NTMT2: variants seen among roughly 807,000 people sequenced by gnomAD.
The protein encoded by NTMT2 is X-Pro-Lys N-terminal protein methyltransferase 1B.
Under a neutral mutation model 23.4 loss-of-function variants are expected in NTMT2, and 21 were observed. That is an observed-to-expected ratio of 0.90 (90% confidence interval 0.64 to 1.29). The LOEUF (loss-of-function observed/expected upper bound fraction) is 1.29, where lower values mean the gene tolerates loss of function less well. Ranked by LOEUF, NTMT2 falls within the 50% of genes most tolerant of loss-of-function variation. The pLI, the probability that NTMT2 is intolerant of heterozygous loss-of-function variation, is 0.00. For missense variants in NTMT2, 336 were observed against 352.0 expected (o/e 0.95, Z 0.36); for synonymous variants, 131 against 127.7 (o/e 1.03, Z -0.17).
chr1:170,148,150 T>TTC (rs1673002745), intron 1 of NTMT2, among the ~76,000 whole-genome samples: 1 of 127,080 alleles, frequency 7.9e-6, no homozygotes, highest in East Asian at 2.2e-4. Context: ...TCCTTTTTTT[T>TTC]TTTTTTTTTT....
intron 1 of NTMT2, among the ~76,000 whole-genome samples, chr1:170,148,398 G>C (rs1022367377): frequency 2.0e-5 from 3 of 151,604 alleles, no homozygotes; most frequent in African/African-American, 7.3e-5. Flanking sequence ...TGATCCGCCC[G>C]TCCAGAGGCA....
chr1:170,152,210 C>A (rs1032647725), intron 1 of NTMT2, among the ~76,000 whole-genome samples: 1 of 152,092 alleles, frequency 6.6e-6, no homozygotes, highest in Non-Finnish European at 1.5e-5. Context: ...GAGACGTACA[C>A]AAATACTTTT....
At position 170,167,708 on chromosome 1, in the gene NTMT2, A is replaced by G. The variant is rs915337641; in HGVS notation, c.803A>G (p.Gln268Arg). 6.4e-7 allele frequency: 1 copy of G among 1,551,484 alleles called. No homozygotes were observed. The highest frequency in any genetic ancestry group is 1.4e-5 in the African/African-American group (1 of 73,034). The change falls in exon 4 of 4, where the codon CAG becomes CGG. Residue 268 changes from glutamine to arginine, a missense_variant. Gln to Arg is a conservative substitution (Grantham distance 43, BLOSUM62 1). Transcript: ENST00000439373. ...GAGAAGCAGGATGGCTTCCCAGAGC[A>G]GTGCATCCCCGTGTGGATGTTCGCA... The part of the protein sequence containing the change: ...GQEKQDGFPE[Q>R]CIPVWMFALH...
intron 1 of NTMT2, among the ~76,000 whole-genome samples, chr1:170,149,865 A>G (rs965599927): frequency 6.6e-6 from 1 of 152,202 alleles, no homozygotes; most frequent in Non-Finnish European, 1.5e-5. Context: ...ATTACCAAAA[A>G]CGATAAACTT....
At chr1:170,153,050 C>A (rs1327835182) in intron 1 of NTMT2, among the ~76,000 whole-genome samples, 2 of 152,132 alleles carry the variant, frequency 1.3e-5, no homozygotes. Context: ...ACCTTTTACT[C>A]CCACTCTTGC....
At chr1:170,148,035 C>A (rs1486872171) in intron 1 of NTMT2, among the ~76,000 whole-genome samples, 6 of 151,954 alleles carry the variant, frequency 3.9e-5, no homozygotes, top group African/African-American at 1.5e-4. Flanking sequence ...TCCACTGACG[C>A]CCAATGTAAA....
At chr1:170,152,565 A>G (rs1427167024) in intron 1 of NTMT2, among the ~76,000 whole-genome samples, 1 of 152,180 alleles carries the variant, frequency 6.6e-6, no homozygotes, top group African/African-American at 2.4e-5. Context: ...TATTTTAGAG[A>G]TAAGAAACAT....
intron 1 of NTMT2, among the ~76,000 whole-genome samples, chr1:170,146,824 T>G (rs1025241486): frequency 6.6e-6 from 1 of 151,784 alleles, no homozygotes. Context: ...AAGTCAGTGG[T>G]CTGTCTCCAT....
At chr1:170,155,597 C>T (rs1673150455) in intron 1 of NTMT2, among the ~76,000 whole-genome samples, 1 of 151,920 alleles carries the variant, frequency 6.6e-6, no homozygotes, top group Non-Finnish European at 1.5e-5. Context: ...AAATTACTGT[C>T]TAAACCTAGC....
rs1273670515 is a variant in NTMT2, at chr1:170,167,681, A to G, written c.776A>G (p.Gln259Arg). 1.9e-6 allele frequency: 3 copies of G among 1,551,550 alleles called. No individual in the cohort carries two copies. Among genetic ancestry groups the G allele is most frequent in the South Asian group, 2.4e-5 (2 of 84,066 alleles). The change falls in exon 4 of 4, where the codon CAG becomes CGG. Residue 259 changes from glutamine (Q) to arginine (R), a missense_variant. Coordinates refer to ENST00000439373, the MANE Select transcript of NTMT2 (RefSeq NM_001136107.2). ...AAGAGTGGGCTGGTGGTGCTGGGCCAGGAGAAGCAGGATGGCTTCCCAGAG... is the reference window on the plus strand; with the variant it reads ...AAGAGTGGGCTGGTGGTGCTGGGCCGGGAGAAGCAGGATGGCTTCCCAGAG... The part of the protein sequence containing the change: ...IRKSGLVVLG[Q>R]EKQDGFPEQC...
intron 1 of NTMT2, chr1:170,151,237 T>C (rs1673063015): frequency 6.5e-6 from 1 of 152,866 alleles, no homozygotes; most frequent in Admixed American, 6.5e-5. Context: ...ATTATAATTC[T>C]AGTCTTATAT....
At chr1:170,154,609 A>G (rs1426809189) in intron 1 of NTMT2, among the ~76,000 whole-genome samples, 1 of 152,150 alleles carries the variant, frequency 6.6e-6, no homozygotes, top group East Asian at 1.9e-4. Flanking sequence ...TTGGAATGGG[A>G]ATGTTTACCC....
chr1:170,168,328 G>C lies in NTMT2; in HGVS notation c.*571G>C, dbSNP rs1673440658. 6.6e-6 allele frequency among the ~76,000 whole-genome samples: 1 copy of C among 151,036 alleles called. No individual in the cohort carries two copies. The highest frequency in any genetic ancestry group is 1.5e-5 in the Non-Finnish European group (1 of 67,744). The stretch of plus-strand genomic sequence containing the variant: ...ATTAGTATTATAGAGTATTCTGGTG[G>C]GGGTGGGGGTAGGAGAAAATCTACA... On this transcript the variant is annotated 3_prime_UTR_variant, in exon 4 of 4. Coordinates refer to ENST00000439373, the MANE Select transcript of NTMT2 (RefSeq NM_001136107.2).
chr1:170,167,597 TTGATCTCTC>T lies in NTMT2; in HGVS notation c.696_704del (p.Leu233_Asp235del). 1.3e-6 allele frequency: 2 copies of T among 1,551,730 alleles called. No individual in the cohort carries two copies. Among genetic ancestry groups the T allele is most frequent in the South Asian group, 2.4e-5 (2 of 84,066 alleles). On this transcript the variant is annotated inframe_deletion, in exon 4 of 4. Coordinates refer to ENST00000439373, the MANE Select transcript of NTMT2 (RefSeq NM_001136107.2). The stretch of plus-strand genomic sequence containing the variant: ...AATGTGGCCCGGGAGGGCTGTATCC[TTGATCTCTC>T]TGACAGCAGTGTGACTCGGGACATG...
intron 1 of NTMT2, among the ~76,000 whole-genome samples, chr1:170,146,903 A>G (rs1489474279): frequency 1.3e-5 from 2 of 152,124 alleles, no homozygotes; most frequent in African/African-American, 2.4e-5. Context: ...TGTTTTGCCT[A>G]CTCTACTTTT....
chr1:170,158,272 A>G (rs1673203399), intron 1 of NTMT2, among the ~76,000 whole-genome samples: 1 of 152,118 alleles, frequency 6.6e-6, no homozygotes, highest in Non-Finnish European at 1.5e-5. Context: ...GAGTTGCCAA[A>G]TAAAATATAT....
At chr1:170,146,640 G>C (rs1053831035) in intron 1 of NTMT2, among the ~76,000 whole-genome samples, 13 of 152,098 alleles carry the variant, frequency 8.5e-5, no homozygotes, top group African/African-American at 3.1e-4. Flanking sequence ...CATTGAGTAA[G>C]AGTTAAAAAG....
intron 1 of NTMT2, among the ~76,000 whole-genome samples, chr1:170,152,902 C>T (rs1673097962): frequency 6.6e-6 from 1 of 152,086 alleles, no homozygotes; most frequent in Admixed American, 6.6e-5. Flanking sequence ...GAAATGTAAT[C>T]CCCAGTGTTG....
At chr1:170,155,117 C>T (rs999844062) in intron 1 of NTMT2, among the ~76,000 whole-genome samples, 3 of 152,108 alleles carry the variant, frequency 2.0e-5, no homozygotes, top group East Asian at 1.9e-4. Flanking sequence ...CAGATGCCAG[C>T]GCCATGCTTC....
Sources: allele counts gnomAD v4.1 joint callset (sites outside exome capture counted in the v4.1 genomes callset), GRCh38; gene constraint gnomAD v4.1.1; transcripts MANE v1.5; gene names NCBI Gene and HGNC (gene_info 2026-07-23, HGNC 2026-07-21).